The following CELF2 variants were observed in gnomAD, a reference collection of about 807,000 sequenced individuals.
CELF2 encodes CUGBP Elav-like family member 2, also known as CUG triplet repeat RNA-binding protein 2.
Under a neutral mutation model 62.6 loss-of-function variants are expected in CELF2, and 8 were observed. The ratio of observed to expected loss-of-function variants is 0.13; its 90% CI spans 0.07 to 0.23. The LOEUF is 0.23. CELF2 is among the 10% of genes least tolerant of loss of function. The pLI, the probability that CELF2 is intolerant of heterozygous loss-of-function variation, is 1.00. For missense variants in CELF2, 333 were observed against 671.0 expected (o/e 0.50, Z 5.56); for synonymous variants, 258 against 250.0 (o/e 1.03, Z -0.30).
At chr10:10,745,141 A>C in the CELF2 span, among the ~76,000 whole-genome samples, 1 of 151,498 alleles carries the variant, frequency 6.6e-6, no homozygotes, top group Non-Finnish European at 1.5e-5. Flanking sequence ...AACAAAAAAA[A>C]ACTATGATAA....
intron 1 of CELF2, among the ~76,000 whole-genome samples, chr10:11,146,622 C>T (rs918222059): frequency 1.3e-5 from 2 of 152,174 alleles, no homozygotes; most frequent in Non-Finnish European, 2.9e-5. Context: ...TCCATCATTC[C>T]CCAATGGCCA....
the CELF2 span, among the ~76,000 whole-genome samples, chr10:10,638,233 G>A: frequency 1.3e-5 from 2 of 152,054 alleles, no homozygotes; most frequent in Non-Finnish European, 2.9e-5. Flanking sequence ...AAAATTCATG[G>A]GTCCTTTTGG....
the CELF2 span, among the ~76,000 whole-genome samples, chr10:10,718,138 A>C: frequency 6.6e-6 from 1 of 152,328 alleles, no homozygotes; most frequent in South Asian, 2.1e-4. Flanking sequence ...TTTCTTGCCC[A>C]ACAAACCAAT....
At chr10:10,562,792 C>A in the CELF2 span, among the ~76,000 whole-genome samples, 1 of 139,332 alleles carries the variant, frequency 7.2e-6, no homozygotes, top group Admixed American at 6.8e-5. Context: ...AGCCTACCTC[C>A]CTGCCCTCCA....
chr10:10,633,481 G>T, the CELF2 span, among the ~76,000 whole-genome samples: 1 of 152,152 alleles, frequency 6.6e-6, no homozygotes, highest in East Asian at 1.9e-4. Context: ...TTGCTCATGT[G>T]CCTATTGGAT....
Position 11,334,619 on chromosome 10 carries a change from T to G in CELF2, c.*5566T>G, listed in dbSNP as rs1185602319. On this transcript the variant is annotated 3_prime_UTR_variant, in exon 13 of 13. Coordinates refer to ENST00000633077, the MANE Select transcript of CELF2 (RefSeq NM_001326342.2). Reference sequence around the variant, plus strand: ...CTACAGTTCACCTCAGTAACTGCCTTTGGGGTTGGATTTGCCAAGGTGTTT... The same window carrying G: ...CTACAGTTCACCTCAGTAACTGCCTGTGGGGTTGGATTTGCCAAGGTGTTT... 1.3e-5 allele frequency: 2 copies of G among 152,224 alleles called. No homozygotes were observed. Among genetic ancestry groups the G allele is most frequent in the African/African-American group, 2.4e-5 (1 of 41,450 alleles). 9.4% of individuals were successfully genotyped at this position (152,224 alleles called of 1,614,324 possible).
At position 11,268,268 on chromosome 10, in the gene CELF2, A is replaced by G. The variant is rs1422730917; in HGVS notation, c.618+1591A>G. ...ACTCTTTACTTGTATTATCTTCCAT[A>G]TACGCGTTTCATTCTTATTTTTATT... On this transcript the variant is annotated intron_variant, in intron 6 of 12. Coordinates refer to ENST00000633077, the MANE Select transcript of CELF2 (RefSeq NM_001326342.2). The surrounding 1 kb of genome is among the most constrained non-coding windows in gnomAD (Gnocchi z 4.7). 2.0e-5 allele frequency among the ~76,000 whole-genome samples: 3 copies of G among 152,088 alleles called. No homozygotes were observed. The highest frequency in any genetic ancestry group is 4.4e-5 in the Non-Finnish European group (3 of 68,006).
chr10:10,702,304 A>G, the CELF2 span, among the ~76,000 whole-genome samples: 1 of 152,192 alleles, frequency 6.6e-6, no homozygotes, highest in South Asian at 2.1e-4. Flanking sequence ...AGAGAGAGGA[A>G]GGTATGCTTC....
chr10:10,711,640 G>A, the CELF2 span, among the ~76,000 whole-genome samples: 1 of 152,180 alleles, frequency 6.6e-6, no homozygotes, highest in Non-Finnish European at 1.5e-5. Flanking sequence ...CTAGCATTTT[G>A]GGAGGCTGAG....
chr10:10,626,969 A>G, the CELF2 span, among the ~76,000 whole-genome samples: 34,181 of 152,142 alleles, frequency 0.22, 4,461 homozygotes, highest in Non-Finnish European at 0.31. Context: ...ATAAGGACAC[A>G]TTGTCGGAGA....
At chr10:10,912,198 C>T (rs144370634) in intron 1 of CELF2, among the ~76,000 whole-genome samples, 4 of 152,172 alleles carry the variant, frequency 2.6e-5, no homozygotes, top group African/African-American at 9.7e-5. Flanking sequence ...ACAGAGTCAC[C>T]GCATCAGAGA....
the CELF2 span, among the ~76,000 whole-genome samples, chr10:10,779,858 TAA>T: frequency 2.1e-5 from 3 of 144,710 alleles, no homozygotes; most frequent in Admixed American, 2.1e-4. Flanking sequence ...TGAAAGCTAT[TAA>T]AAAAAAAAAA....
the CELF2 span, among the ~76,000 whole-genome samples, chr10:10,768,312 G>C: frequency 3.3e-5 from 5 of 152,012 alleles, no homozygotes; most frequent in Non-Finnish European, 7.3e-5. Flanking sequence ...AGCATCACAA[G>C]CAAAGCCCTG....
At chr10:10,463,213 G>C in the CELF2 span, among the ~76,000 whole-genome samples, 1 of 152,126 alleles carries the variant, frequency 6.6e-6, no homozygotes. Flanking sequence ...TGCTAACTTT[G>C]TTCCTCAAAA....
chr10:11,052,614 A>G (rs968438273), intron 1 of CELF2, among the ~76,000 whole-genome samples: 2 of 152,226 alleles, frequency 1.3e-5, no homozygotes, highest in Non-Finnish European at 2.9e-5. Flanking sequence ...CTTTCTTTAC[A>G]TCCTTCAATA....
the CELF2 span, among the ~76,000 whole-genome samples, chr10:10,736,041 C>T: frequency 1.3e-5 from 2 of 152,192 alleles, no homozygotes; most frequent in East Asian, 3.8e-4. Context: ...TTCTTCCCAT[C>T]TTTAAAATAA....
chr10:10,622,891 A>C, the CELF2 span, among the ~76,000 whole-genome samples: 1 of 151,130 alleles, frequency 6.6e-6, no homozygotes, highest in Non-Finnish European at 1.5e-5. Flanking sequence ...CAGGAGATCA[A>C]GACCACTGTG....
chr10:10,969,147 C>T (rs865921503), intron 2 of CELF2, among the ~76,000 whole-genome samples: 1 of 152,184 alleles, frequency 6.6e-6, no homozygotes, highest in Non-Finnish European at 1.5e-5. Flanking sequence ...GTCCCAGCTA[C>T]TCAGGAGGCT....
chr10:10,601,443 T>C, the CELF2 span, among the ~76,000 whole-genome samples: 3 of 152,184 alleles, frequency 2.0e-5, no homozygotes, highest in Admixed American at 6.5e-5. Context: ...TTTGATAACT[T>C]AAACCTAGAA....
Sources: gnomAD v4.1 joint callset for allele counts (sites outside exome capture counted in the v4.1 genomes callset) on GRCh38, gnomAD v4.1.1 for gene constraint, Gnocchi (gnomAD v3.1) non-coding constraint, MANE v1.5 for transcripts, NCBI Gene and HGNC (gene_info 2026-07-23, HGNC 2026-07-21) for gene names.